Variants in RIMBP2 observed in about 807,000 individuals in gnomAD.
RIMBP2 encodes the protein RIMS binding protein 2, also known as RIMS-binding protein 2.
RIMBP2 carries 48 observed loss-of-function variants against 118.6 expected under a neutral mutation model. The ratio of observed to expected loss-of-function variants is 0.40; its 90% CI spans 0.32 to 0.51. The LOEUF is 0.51. Among genes scored for constraint, RIMBP2 ranks in the 20% least tolerant of loss-of-function variants. The probability of loss-of-function intolerance (pLI) is 0.41; values close to 1 mark genes in which losing one functional copy is unlikely to be tolerated. For missense variants in RIMBP2, 1,551 were observed against 1,768.3 expected (o/e 0.88, Z 2.20); for synonymous variants, 762 against 742.9 (o/e 1.03, Z -0.42).
rs1196249408 is a variant in RIMBP2, at chr12:130,617,307, A to C, written c.-217+11015T>G. Among the ~76,000 whole-genome samples the C allele has an allele frequency of 2.0e-5, 3 of 152,150 alleles. No individual in the cohort carries two copies. The highest frequency in any genetic ancestry group is 2.9e-5 in the Non-Finnish European group (2 of 68,034). On this transcript the variant is annotated intron_variant, in intron 2 of 22. Transcript: ENST00000690449. This position sits in a 1 kb window ranked among gnomAD's most constrained non-coding sequence, Gnocchi z 4.6. The stretch of plus-strand genomic sequence containing the variant: ...TGGACCAGGCTTAGAACCCAGGTCC[A>C]TCCTCATGCAAATGGCGTCATCCCT...
intron 20 of RIMBP2, among the ~76,000 whole-genome samples, chr12:130,406,800 C>T (rs997469106): frequency 6.6e-6 from 1 of 152,184 alleles, no homozygotes; most frequent in Non-Finnish European, 1.5e-5. Context: ...GTGTGTGCCA[C>T]CAAGCCTGGT....
At chr12:130,667,077 AAAAAATGAGGG>A (rs2063967681) in intron 1 of RIMBP2, among the ~76,000 whole-genome samples, 1 of 60,358 alleles carries the variant, frequency 1.7e-5, no homozygotes, top group African/African-American at 6.2e-5. Flanking sequence ...GGGAGGGAGG[AAAAAATGAGGG>A]AGGGAGGATG....
intron 2 of RIMBP2, among the ~76,000 whole-genome samples, chr12:130,533,050 G>A (rs1231430816): frequency 7.5e-6 from 1 of 133,474 alleles, no homozygotes; most frequent in Non-Finnish European, 1.7e-5. Flanking sequence ...GCCTCTAGGA[G>A]TTACATCTAA....
Position 130,424,891 on chromosome 12 carries a change from G to A in RIMBP2, c.2413-33C>T. 1 of 1,192,756 alleles carries A rather than the reference G, an allele frequency of 8.4e-7. No homozygotes were observed. Among genetic ancestry groups the A allele is most frequent in the East Asian group, 3.2e-5 (1 of 31,514 alleles). 73.9% of individuals were successfully genotyped at this position (1,192,756 alleles called of 1,614,324 possible). A position where few individuals can be genotyped will look rare whatever the true frequency, so the allele number is the denominator to read the frequency against. On this transcript the variant is annotated intron_variant, in intron 15 of 22. Transcript: ENST00000690449. This position sits in a 1 kb window ranked among gnomAD's most constrained non-coding sequence, Gnocchi z 9.8. ...GGTGGTGTGTCAAGAACAGGCGCGG[G>A]AAAGAGTGTGTGGTCAGCATGAAGT...
chr12:130,579,939 T>G (rs1444008019), intron 2 of RIMBP2, among the ~76,000 whole-genome samples: 1 of 149,038 alleles, frequency 6.7e-6, no homozygotes, highest in African/African-American at 2.5e-5. Flanking sequence ...TAATATTCAG[T>G]CTGGGAAGGC....
At chr12:130,573,622 G>T (rs906202988) in intron 2 of RIMBP2, among the ~76,000 whole-genome samples, 2 of 152,154 alleles carry the variant, frequency 1.3e-5, no homozygotes, top group Non-Finnish European at 1.5e-5. Flanking sequence ...CTCTAGGACA[G>T]GGCAGGGTGG....
chr12:130,556,989 A>G (rs1393300259), intron 2 of RIMBP2, among the ~76,000 whole-genome samples: 1 of 152,140 alleles, frequency 6.6e-6, no homozygotes, highest in African/African-American at 2.4e-5. Context: ...CCCCAAGTTC[A>G]TATGTAAAGT....
At chr12:130,573,148 C>T (rs2057812811) in intron 2 of RIMBP2, among the ~76,000 whole-genome samples, 1 of 151,952 alleles carries the variant, frequency 6.6e-6, no homozygotes, top group South Asian at 2.1e-4. Context: ...ATAGCAATGG[C>T]TTCATCCCAA....
chr12:130,597,217 A>G (rs1297268183), intron 2 of RIMBP2, among the ~76,000 whole-genome samples: 1 of 152,202 alleles, frequency 6.6e-6, no homozygotes, highest in Non-Finnish European at 1.5e-5. Context: ...CAATATATTC[A>G]AAAGAAAGCC....
At chr12:130,624,203 A>G (rs2061488443) in intron 2 of RIMBP2, among the ~76,000 whole-genome samples, 1 of 152,252 alleles carries the variant, frequency 6.6e-6, no homozygotes, top group African/African-American at 2.4e-5. Context: ...TAATCTGCAG[A>G]AAAATATAGT....
chr12:130,590,044 T>C (rs2059157269), intron 2 of RIMBP2, among the ~76,000 whole-genome samples: 1 of 152,178 alleles, frequency 6.6e-6, no homozygotes. Flanking sequence ...GACTCTCAGA[T>C]ACAAATCTAC....
chr12:130,483,874 C>G (rs1438599544), intron 4 of RIMBP2, among the ~76,000 whole-genome samples: 11 of 149,142 alleles, frequency 7.4e-5, no homozygotes, highest in Admixed American at 2.7e-4. Context: ...CCCTCACCTA[C>G]ACACAGTGCC....
chr12:130,455,359 C>G, intron 7 of RIMBP2, among the ~76,000 whole-genome samples: 1 of 152,132 alleles, frequency 6.6e-6, no homozygotes, highest in East Asian at 1.9e-4. Context: ...CAGAGGCTCC[C>G]CACGTATCGT....
At chr12:130,571,869 G>A (rs1349231282) in intron 2 of RIMBP2, among the ~76,000 whole-genome samples, 1 of 152,124 alleles carries the variant, frequency 6.6e-6, no homozygotes, top group Non-Finnish European at 1.5e-5. Flanking sequence ...CACCCAGGGA[G>A]CCCACCTCGG....
intron 3 of RIMBP2, among the ~76,000 whole-genome samples, chr12:130,507,661 C>T (rs2050498587): frequency 1.3e-5 from 2 of 152,208 alleles, no homozygotes; most frequent in African/African-American, 4.8e-5. Flanking sequence ...TCTCTCTCCT[C>T]TTCGAAACAA....
intron 17 of RIMBP2, chr12:130,414,579 G>A (rs1430943627): frequency 3.4e-6 from 1 of 294,870 alleles, no homozygotes; most frequent in Admixed American, 4.7e-5. Context: ...GAGAGCACAG[G>A]CTGGGGCAGG....
chr12:130,610,551 C>CTTTTTTT lies in RIMBP2; in HGVS notation c.-217+17764_-217+17770dup, dbSNP rs386378269. ...GTGACTCATCAAAGTAATTTTCCTG[C>CTTTTTTT]TTTTTTTTTTTTTTTTTTTTTTTTT... On this transcript the variant is annotated intron_variant, in intron 2 of 22. Coordinates refer to ENST00000690449, the MANE Select transcript of RIMBP2 (RefSeq NM_001393629.1). Among the ~76,000 whole-genome samples the CTTTTTTT allele has an allele frequency of 3.7e-3, 299 of 81,558 alleles. 47 individuals are homozygous for CTTTTTTT. Among genetic ancestry groups the CTTTTTTT allele is most frequent in the African/African-American group, 0.013 (278 of 21,576 alleles). The allele number at this position is 81,558 out of a possible 152,430, so 53.5% of individuals were successfully genotyped here. A position where few individuals can be genotyped will look rare whatever the true frequency, so the allele number is the denominator to read the frequency against.
chr12:130,524,952 G>A (rs1207933721), intron 2 of RIMBP2, among the ~76,000 whole-genome samples: 1 of 152,204 alleles, frequency 6.6e-6, no homozygotes, highest in African/African-American at 2.4e-5. Flanking sequence ...GGCTTGGTGA[G>A]TGTGAGACCC....
intron 6 of RIMBP2, among the ~76,000 whole-genome samples, chr12:130,461,377 G>T (rs2079979523): frequency 6.6e-6 from 1 of 152,322 alleles, no homozygotes; most frequent in Non-Finnish European, 1.5e-5. Context: ...AGGAACTCAG[G>T]ATGGGGTGGT....
Sources: allele counts gnomAD v4.1 joint callset (sites outside exome capture counted in the v4.1 genomes callset), GRCh38; gene constraint gnomAD v4.1.1; non-coding constraint Gnocchi (gnomAD v3.1); transcripts MANE v1.5; gene names NCBI Gene and HGNC (gene_info 2026-07-23, HGNC 2026-07-21).